Variants in ABCA1 observed in about 807,000 individuals in gnomAD.
ABCA1 encodes the protein ATP binding cassette subfamily A member 1.
In ABCA1, 133 loss-of-function variants were observed where a neutral mutation model predicts 262.5. The ratio of observed to expected loss-of-function variants is 0.51; its 90% CI spans 0.44 to 0.59. The LOEUF (loss-of-function observed/expected upper bound fraction) is 0.59. Ranked by LOEUF, ABCA1 falls within the 20% of genes least tolerant of loss-of-function variation. ABCA1 has a pLI of 0.00. For missense variants in ABCA1, 2,452 were observed against 2,777.5 expected, an observed-to-expected ratio of 0.88 and a Z score of 2.63; for synonymous variants, 1,022 against 1,043.5, an observed-to-expected ratio of 0.98 and a Z score of 0.40.
At chr9:104,866,023 G>A (rs1837059713) in intron 5 of ABCA1, among the ~76,000 whole-genome samples, 2 of 152,166 alleles carry the variant, frequency 1.3e-5, no homozygotes. Context: ...GCTTCATGGC[G>A]AGCAACCAGA....
chr9:104,875,893 C>T (rs769987003), intron 5 of ABCA1, among the ~76,000 whole-genome samples: 45 of 152,164 alleles, frequency 3.0e-4, no homozygotes, highest in Non-Finnish European at 5.1e-4. Context: ...CTAGGAACAG[C>T]GTGAAAGCCA....
At chr9:104,846,035 C>T (rs934466831) in intron 7 of ABCA1, among the ~76,000 whole-genome samples, 1 of 152,206 alleles carries the variant, frequency 6.6e-6, no homozygotes, top group African/African-American at 2.4e-5. Flanking sequence ...CAAGTCAGCA[C>T]TGTTTCTAAC....
At chr9:104,790,736 G>A (rs1047103657) in intron 44 of ABCA1, among the ~76,000 whole-genome samples, 186 bp downstream of exon 44, 1 of 152,164 alleles carries the variant, frequency 6.6e-6, no homozygotes, top group African/African-American at 2.4e-5. Flanking sequence ...GAAAGGAAAT[G>A]TAAATTGTGA....
At chr9:104,840,001 T>C (rs943599778) in intron 9 of ABCA1, among the ~76,000 whole-genome samples, 2 of 152,222 alleles carry the variant, frequency 1.3e-5, no homozygotes, top group Non-Finnish European at 2.9e-5. Context: ...AAGCCACCCT[T>C]CCACATCCCC....
chr9:104,914,663 T>A (rs1017678858), intron 1 of ABCA1, among the ~76,000 whole-genome samples: 14 of 152,106 alleles, frequency 9.2e-5, no homozygotes, highest in Non-Finnish European at 1.9e-4. Context: ...TCCACTACAC[T>A]GAACCCACAA....
chr9:104,843,063 C>T (rs28599759), intron 8 of ABCA1, among the ~76,000 whole-genome samples: 25,256 of 152,144 alleles, frequency 0.17, 2,169 homozygotes, highest in East Asian at 0.28. Context: ...TCAGGTCCAA[C>T]TGTCACCTTA....
At chr9:104,872,676 T>A (rs1052305069) in intron 5 of ABCA1, among the ~76,000 whole-genome samples, 1 of 152,210 alleles carries the variant, frequency 6.6e-6, no homozygotes, top group Admixed American at 6.5e-5. Flanking sequence ...CGCACTGAGA[T>A]TGCCTTTTGG....
chr9:104,832,453 A>G lies in ABCA1; in HGVS notation c.1509+121T>C, dbSNP rs192881694. ...TCAAATCCTGTGTTAGGCTTGAGGG[A>G]TAGTTTTGTAAATGAGACTATACAT... On this transcript the variant is annotated intron_variant, in intron 12 of 49. Coordinates refer to ENST00000374736, the MANE Select transcript of ABCA1 (RefSeq NM_005502.4). 899 of 1,074,906 alleles carry G rather than the reference A, an allele frequency of 8.4e-4. 5 individuals are homozygous for G. The African/African-American group carries it at 0.012, about 15-fold the overall frequency. 66.6% of individuals were successfully genotyped at this position (1,074,906 alleles called of 1,614,324 possible).
chr9:104,919,620 A>G (rs1369382085), intron 1 of ABCA1, among the ~76,000 whole-genome samples: 1 of 151,982 alleles, frequency 6.6e-6, no homozygotes, highest in Non-Finnish European at 1.5e-5. Context: ...TCAAAAAAAA[A>G]AGCAAAACCT....
At chr9:104,899,670 G>A (rs1367772436) in intron 2 of ABCA1, among the ~76,000 whole-genome samples, 2 of 151,914 alleles carry the variant, frequency 1.3e-5, no homozygotes, top group African/African-American at 4.8e-5. Context: ...CTCCAGCCTG[G>A]GCAATAGAGT....
chr9:104,821,041 G>C (rs1280045337), intron 20 of ABCA1, among the ~76,000 whole-genome samples: 2 of 152,120 alleles, frequency 1.3e-5, no homozygotes, highest in Non-Finnish European at 2.9e-5. Flanking sequence ...TCAAGACATT[G>C]AGACCATCCT....
rs199916575 is a variant in ABCA1 at position 104,832,755 on chromosome 9, C to T, written c.1328G>A (p.Arg443Lys). The part of the protein sequence containing the change: ...MDLVRMLLDS[R>K]DNDHFWEQQL... The stretch of plus-strand genomic sequence containing the variant: ...CTGTTCCCAAAAGTGGTCATTGTCC[C>T]TGCTGTCCAACAGCATCTGCCATTC... The change falls in exon 12 of 50, where the codon AGG (arginine) becomes AAG (lysine). Residue 443 changes from arginine (R) to lysine (K), a missense_variant. By Grantham distance (26) the Arg-to-Lys change is conservative (BLOSUM62 2). Around this residue, in one of 4 missense-constraint regions of ABCA1, gnomAD observed 1,032 missense variants for 1,089.7 expected, o/e 0.95. Coordinates refer to ENST00000374736, the MANE Select transcript of ABCA1 (RefSeq NM_005502.4). 1 of 1,614,200 alleles carries T rather than the reference C, an allele frequency of 6.2e-7. No individual in the cohort carries two copies. Among genetic ancestry groups the T allele is most frequent in the East Asian group, 2.2e-5 (1 of 44,894 alleles).
chr9:104,835,745 AGATTCCTAATGAATGCCAT>A (rs1229038688), intron 11 of ABCA1, among the ~76,000 whole-genome samples: 1 of 152,202 alleles, frequency 6.6e-6, no homozygotes, highest in African/African-American at 2.4e-5. Flanking sequence ...TTTCCCAGCT[AGATTCCTAATGAATGCCAT>A]TGCCATGTTT....
intron 29 of ABCA1, 99 bp from the exon 30 acceptor site, chr9:104,809,663 C>G: frequency 9.4e-7 from 1 of 1,066,828 alleles, no homozygotes; most frequent in South Asian, 1.4e-5. Context: ...GGAAGCATTT[C>G]TCTGTGACAG....
At position 104,806,279 on chromosome 9, in the gene ABCA1, C is replaced by T. The variant is rs1164353101; in HGVS notation, c.4426G>A (p.Val1476Met). The T allele has an allele frequency of 1.9e-6, 3 of 1,613,866 alleles. No individual in the cohort carries two copies. Among genetic ancestry groups the T allele is most frequent in the Non-Finnish European group, 1.7e-6 (2 of 1,180,040 alleles). The change falls in exon 31 of 50, where the codon GTG becomes ATG. Residue 1476 changes from valine to methionine, a missense_variant. Transcript: ENST00000374736. ...SSDKIKKMLP[V>M]CPPGAGGLPP... ...AGCCCCCCTGCCCCTGGGGGACACA[C>T]AGGCAGCATCTTCTTGATTTTGTCG...
At position 104,818,888 on chromosome 9, in the gene ABCA1, C is replaced by T. The variant is rs1320406641; in HGVS notation, c.3242-5G>A. Reference sequence around the variant, plus strand: ...TAGAGAGAATAATGGTGCGGCCTGCCAGGCACAAACACAAGGATGTGGGAC... The same window carrying T: ...TAGAGAGAATAATGGTGCGGCCTGCTAGGCACAAACACAAGGATGTGGGAC... On this transcript the variant is annotated splice_polypyrimidine_tract_variant and splice_region_variant and intron_variant, in intron 22 of 49. Coordinates refer to ENST00000374736, the MANE Select transcript of ABCA1 (RefSeq NM_005502.4). The T allele has an allele frequency of 6.2e-7, 1 of 1,609,468 alleles. No individual in the cohort carries two copies. Among genetic ancestry groups the T allele is most frequent in the Non-Finnish European group, 8.5e-7 (1 of 1,177,780 alleles).
rs2066719 is a variant in ABCA1, at chr9:104,819,807, A to G, written c.3104-84T>C. ...AGAGGACCTAGGGGCACAGCCAGGG[A>G]CAAGTTTCTGTTACCAACCGCACCC... On this transcript the variant is annotated intron_variant, in intron 21 of 49. Coordinates refer to ENST00000374736, the MANE Select transcript of ABCA1 (RefSeq NM_005502.4). 1.9e-6 allele frequency: 3 copies of G among 1,611,652 alleles called. No individual in the cohort carries two copies. The East Asian group carries it at 6.7e-5, about 36-fold the overall frequency.
intron 18 of ABCA1, among the ~76,000 whole-genome samples, chr9:104,824,119 C>T (rs1015478828): frequency 6.6e-6 from 1 of 152,178 alleles, no homozygotes; most frequent in Admixed American, 6.5e-5. Flanking sequence ...AGGCAGGCAG[C>T]GAGGCTATGG....
intron 2 of ABCA1, among the ~76,000 whole-genome samples, chr9:104,894,594 C>A (rs982756610): frequency 6.6e-6 from 1 of 152,176 alleles, no homozygotes; most frequent in Non-Finnish European, 1.5e-5. Flanking sequence ...AGAGTTAATA[C>A]ACTGCCCAAT....
Sources: gnomAD v4.1 joint callset for allele counts (sites outside exome capture counted in the v4.1 genomes callset) on GRCh38, gnomAD v4.1.1 for gene constraint, gnomAD v4.1.1 regional missense constraint, MANE v1.5 for transcripts, NCBI Gene and HGNC (gene_info 2026-07-23, HGNC 2026-07-21) for gene names.